Variants in SYCP2 observed in about 807,000 individuals in gnomAD.
The protein encoded by SYCP2 is synaptonemal complex lateral element protein.
A neutral mutation model predicts 211.3 loss-of-function variants in SYCP2; 55 were observed. The observed-to-expected ratio is 0.26, with a 90% CI of 0.21 to 0.33. The LOEUF (loss-of-function observed/expected upper bound fraction) is 0.33, where lower values mean the gene tolerates loss of function less well. Among genes scored for constraint, SYCP2 ranks in the 10% least tolerant of loss-of-function variants. The pLI is 1.00. For missense variants in SYCP2, 1,731 were observed against 1,752.0 expected (o/e 0.99, Z 0.21); for synonymous variants, 570 against 555.2 (o/e 1.03, Z -0.37).
chr20:59,906,849 T>C (rs1038666529), intron 15 of SYCP2, among the ~76,000 whole-genome samples: 1 of 152,062 alleles, frequency 6.6e-6, no homozygotes, highest in Non-Finnish European at 1.5e-5. Flanking sequence ...ATTTAAAATA[T>C]ATACTTTACA....
rs118181938 is a variant in SYCP2 at position 59,911,135 on chromosome 20, A to T, written c.972+615T>A. Among the ~76,000 whole-genome samples the T allele has an allele frequency of 5.4e-3, 823 of 152,296 alleles. 5 individuals are homozygous for T. Among genetic ancestry groups the T allele is most frequent in the Non-Finnish European group, 9.0e-3 (615 of 68,014 alleles). On this transcript the variant is annotated intron_variant, in intron 14 of 44. Transcript: ENST00000357552. ...CTCTTACTCAGATTTTGGCAAACGG[A>T]CTGCATAATTTGAGCTAAATGTATG...
At chr20:59,924,694 A>G (rs1188706760) in intron 2 of SYCP2, among the ~76,000 whole-genome samples, 2 of 152,174 alleles carry the variant, frequency 1.3e-5, no homozygotes, top group Admixed American at 1.3e-4. Context: ...TAAGAGATAT[A>G]CCTTAAATAA....
At chr20:59,866,014 TATGTTAA>T (rs1454668610) in intron 41 of SYCP2, 149 bp from the exon 42 acceptor site, 2 of 468,272 alleles carry the variant, frequency 4.3e-6, no homozygotes, top group Non-Finnish European at 7.4e-6. Flanking sequence ...AGTATGGCTA[TATGTTAA>T]AAATATTCCA....
chr20:59,908,708 T>C (rs1253074623), intron 14 of SYCP2, among the ~76,000 whole-genome samples: 1 of 152,188 alleles, frequency 6.6e-6, no homozygotes, highest in African/African-American at 2.4e-5. Context: ...AATATGCCCT[T>C]ACCCAGATTC....
chr20:59,904,808 G>C (rs1475063220), intron 15 of SYCP2, among the ~76,000 whole-genome samples: 1 of 152,136 alleles, frequency 6.6e-6, no homozygotes, highest in East Asian at 1.9e-4. Flanking sequence ...ATTTGCCTCT[G>C]ATGAGGGACT....
intron 44 of SYCP2, 36 bp downstream of exon 44, chr20:59,865,352 G>A (rs374626610): frequency 1.4e-4 from 208 of 1,529,512 alleles, no homozygotes; most frequent in Non-Finnish European, 1.7e-4. Flanking sequence ...AGACATTAAA[G>A]TATGATTATC....
At chr20:59,878,090 A>C in intron 31 of SYCP2, 45 bp from the exon 32 acceptor site, 1 of 1,261,536 alleles carries the variant, frequency 7.9e-7, no homozygotes, top group Non-Finnish European at 1.1e-6. Context: ...GTAAATAAGA[A>C]TAGGCATTAA....
intron 33 of SYCP2, 141 bp from the exon 34 acceptor site, chr20:59,875,610 G>GA (rs2059540329): frequency 1.8e-6 from 1 of 569,474 alleles, no homozygotes; most frequent in Admixed American, 3.3e-5. Flanking sequence ...CATGAGTAGT[G>GA]AAAGACTTTC....
Position 59,895,503 on chromosome 20 carries a change from C to T in SYCP2, c.1599G>A (p.Val533=). 3 of 1,613,000 alleles carry T rather than the reference C, an allele frequency of 1.9e-6. No individual in the cohort carries two copies. The highest frequency in any genetic ancestry group is 3.3e-5 in the Admixed American group (2 of 59,926). Residue 533 remains valine, a synonymous_variant, in exon 20 of 45, where the codon GTG becomes GTA. Transcript: ENST00000357552. ...TAGATTTCAGTGATGCAGCATTATC[C>T]ACTCTATTTTCTGATGTTTGAGAAA... The part of the protein sequence containing the change: ...PSVSQTSENR[V]DNAASLKSRS...
intron 3 of SYCP2, among the ~76,000 whole-genome samples, 191 bp from the exon 4 acceptor site, chr20:59,921,644 GATAAT>G (rs2060543323): frequency 6.6e-6 from 1 of 151,326 alleles, no homozygotes; most frequent in African/African-American, 2.4e-5. Context: ...ACATTTCTTT[GATAAT>G]ATGATTAGAA....
chr20:59,883,825 A>G (rs986772580), intron 26 of SYCP2, among the ~76,000 whole-genome samples: 6 of 152,092 alleles, frequency 3.9e-5, no homozygotes, highest in African/African-American at 1.2e-4. Context: ...CCAACTATAT[A>G]TAATACAGTA....
Position 59,881,509 on chromosome 20 carries a change from C to CAAA in SYCP2, c.2659-20_2659-18dup. 7.6e-7 allele frequency: 1 copy of CAAA among 1,313,054 alleles called. No individual in the cohort carries two copies. 81.3% of individuals were successfully genotyped at this position (1,313,054 alleles called of 1,614,324 possible). On this transcript the variant is annotated splice_polypyrimidine_tract_variant and intron_variant, in intron 28 of 44. Coordinates refer to ENST00000357552, the MANE Select transcript of SYCP2 (RefSeq NM_014258.4). Reference sequence around the variant, plus strand: ...CTCTTGGATCTATATTGTAAATAAACAAAAAAAAAGAGGTGTCAGTGTCAA... The same window carrying CAAA: ...CTCTTGGATCTATATTGTAAATAAACAAAAAAAAAAAAGAGGTGTCAGTGTCAA...
intron 2 of SYCP2, among the ~76,000 whole-genome samples, chr20:59,928,232 T>A (rs890633855): frequency 6.6e-6 from 1 of 152,224 alleles, no homozygotes; most frequent in Non-Finnish European, 1.5e-5. Flanking sequence ...ATCTACAGTG[T>A]TCCTTTTTAT....
chr20:59,897,978 C>G (rs1352810164), intron 18 of SYCP2, among the ~76,000 whole-genome samples: 1 of 152,076 alleles, frequency 6.6e-6, no homozygotes, highest in Non-Finnish European at 1.5e-5. Flanking sequence ...GTGGCAGGTG[C>G]CTATAATCCC....
intron 24 of SYCP2, among the ~76,000 whole-genome samples, chr20:59,890,965 A>G (rs1373158985): frequency 6.6e-6 from 1 of 152,030 alleles, no homozygotes; most frequent in Non-Finnish European, 1.5e-5. Context: ...ACCCAAAAGA[A>G]TATGATTAAA....
intron 23 of SYCP2, 28 bp downstream of exon 23, chr20:59,892,540 A>AT: frequency 2.5e-6 from 4 of 1,590,834 alleles, no homozygotes; most frequent in Non-Finnish European, 3.4e-6. Context: ...ACACTGAACT[A>AT]TTACATATAG....
intron 2 of SYCP2, among the ~76,000 whole-genome samples, chr20:59,929,573 A>C (rs2060696117): frequency 6.6e-6 from 1 of 152,316 alleles, no homozygotes; most frequent in East Asian, 1.9e-4. Flanking sequence ...TATAATGAAG[A>C]AGATCTGTAT....
chr20:59,885,847 T>C (rs1245666191), intron 26 of SYCP2, 81 bp downstream of exon 26: 21 of 1,048,896 alleles, frequency 2.0e-5, no homozygotes, highest in Non-Finnish European at 3.0e-5. Context: ...AATTCCATTT[T>C]ACCACTATGC....
chr20:59,917,606 G>A (rs953808430), intron 7 of SYCP2, among the ~76,000 whole-genome samples: 1 of 151,844 alleles, frequency 6.6e-6, no homozygotes, highest in Non-Finnish European at 1.5e-5. Flanking sequence ...TCAACGAAGA[G>A]GTAGGATTAA....
Sources: allele counts gnomAD v4.1 joint callset (sites outside exome capture counted in the v4.1 genomes callset), GRCh38; gene constraint gnomAD v4.1.1; transcripts MANE v1.5; gene names NCBI Gene and HGNC (gene_info 2026-07-23, HGNC 2026-07-21).